Variants in FHIT observed in about 807,000 individuals in gnomAD.
FHIT encodes fragile histidine triad diadenosine triphosphatase.
In FHIT, 19 loss-of-function variants were observed where a neutral mutation model predicts 17.9. The ratio of observed to expected loss-of-function variants is 1.06; its 90% confidence interval spans 0.74 to 1.56. The LOEUF is 1.56. Ranked by LOEUF, FHIT falls within the 40% of genes most tolerant of loss-of-function variation. The pLI is 0.00. For synonymous variants in FHIT, 81 were observed against 69.7 expected (o/e 1.16, Z -0.81); for missense variants, 248 against 189.2 (o/e 1.31, Z -1.82).
At chr3:60,285,605 G>A (rs1490408243) in intron 5 of FHIT, among the ~76,000 whole-genome samples, 1 of 152,068 alleles carries the variant, frequency 6.6e-6, no homozygotes, top group Non-Finnish European at 1.5e-5. Flanking sequence ...CATAATTACA[G>A]TCCCTAATCA....
At chr3:60,432,799 T>C (rs2611416) in intron 5 of FHIT, among the ~76,000 whole-genome samples, 145,981 of 152,158 alleles carry the variant, frequency 0.96, 70,311 homozygotes, top group East Asian at 1. Context: ...TTGTCACCTA[T>C]TAACATCAAA....
At chr3:60,199,968 C>T (rs368584180) in intron 5 of FHIT, among the ~76,000 whole-genome samples, 4 of 152,064 alleles carry the variant, frequency 2.6e-5, no homozygotes, top group African/African-American at 9.7e-5. Context: ...TTTTGTTGTA[C>T]TAGGGTTTTT....
At chr3:61,103,699 G>A (rs558165988) in intron 2 of FHIT, among the ~76,000 whole-genome samples, 9 of 152,196 alleles carry the variant, frequency 5.9e-5, no homozygotes, top group African/African-American at 1.7e-4. Flanking sequence ...ATGTCTCTTT[G>A]TAGGTCTCTG....
At chr3:60,206,128 G>T (rs1374687755) in intron 5 of FHIT, among the ~76,000 whole-genome samples, 10 of 122,942 alleles carry the variant, frequency 8.1e-5, no homozygotes, top group African/African-American at 2.8e-4. Flanking sequence ...GCGAGACTCC[G>T]TCTCAAAAAA....
At chr3:60,097,040 A>AAC (rs386396786) in intron 5 of FHIT, among the ~76,000 whole-genome samples, 1 of 151,218 alleles carries the variant, frequency 6.6e-6, no homozygotes, top group Non-Finnish European at 1.5e-5. Context: ...AAAAAAAAAA[A>AAC]AGGAATAGAA....
At chr3:61,152,733 G>A (rs185570371) in intron 2 of FHIT, among the ~76,000 whole-genome samples, 155 of 152,116 alleles carry the variant, frequency 1.0e-3, no homozygotes, top group African/African-American at 3.5e-3. Flanking sequence ...AGAGGAATGA[G>A]AAGATCATAG....
chr3:60,843,961 T>C (rs1702833866), intron 3 of FHIT, among the ~76,000 whole-genome samples: 1 of 152,166 alleles, frequency 6.6e-6, no homozygotes, highest in African/African-American at 2.4e-5. Context: ...TATGTATTTC[T>C]GGTAATCAAG....
At chr3:60,983,119 C>T (rs1030979402) in intron 3 of FHIT, among the ~76,000 whole-genome samples, 5 of 146,726 alleles carry the variant, frequency 3.4e-5, no homozygotes, top group African/African-American at 7.7e-5. Context: ...TATCTCAATC[C>T]GATTTACCTT....
chr3:59,796,189 C>T (rs1224539993), intron 8 of FHIT, among the ~76,000 whole-genome samples: 3 of 152,112 alleles, frequency 2.0e-5, no homozygotes, highest in Non-Finnish European at 4.4e-5. Context: ...AGCCTGTGTC[C>T]AACACATATG....
intron 1 of FHIT, among the ~76,000 whole-genome samples, chr3:61,220,475 C>A (rs2039807837): frequency 6.6e-6 from 1 of 152,168 alleles, no homozygotes; most frequent in South Asian, 2.1e-4. Flanking sequence ...GTATGCATTT[C>A]TTACAGAATA....
chr3:59,991,832 G>A (rs775320579), intron 7 of FHIT, among the ~76,000 whole-genome samples: 5 of 151,982 alleles, frequency 3.3e-5, no homozygotes, highest in Non-Finnish European at 5.9e-5. Context: ...CAGTCCCTTT[G>A]CAGAGAAAGA....
Position 60,942,285 on chromosome 3 carries a change from A to T in FHIT, c.-111+99762T>A, listed in dbSNP as rs782694059. On this transcript the variant is annotated intron_variant, in intron 3 of 9. Transcript: ENST00000492590. ...ACCAGCATAATTAAAAGTATACAGT[A>T]GGTATCCACAAATATTAATTGAGTG... Among the ~76,000 whole-genome samples the T allele has an allele frequency of 8.5e-4, 129 of 152,236 alleles. 2 individuals carry two copies. Among genetic ancestry groups the T allele is most frequent in the Non-Finnish European group, 2.8e-4 (19 of 68,046 alleles).
chr3:60,035,872 TA>T (rs1325902836), intron 5 of FHIT, among the ~76,000 whole-genome samples: 31 of 152,332 alleles, frequency 2.0e-4, no homozygotes, highest in Non-Finnish European at 4.0e-4. Flanking sequence ...TAGGTGTTGC[TA>T]TGATAACAAG....
At chr3:60,074,047 A>C (rs1261348478) in intron 5 of FHIT, among the ~76,000 whole-genome samples, 1 of 152,076 alleles carries the variant, frequency 6.6e-6, no homozygotes, top group Non-Finnish European at 1.5e-5. Context: ...TTAAAATGTC[A>C]TGTGCATTCC....
intron 8 of FHIT, among the ~76,000 whole-genome samples, chr3:59,790,751 C>A (rs1246277285): frequency 6.6e-6 from 1 of 152,038 alleles, no homozygotes; most frequent in Non-Finnish European, 1.5e-5. Flanking sequence ...TGTGTCTCCC[C>A]AACACTGTAA....
At chr3:60,642,064 T>C (rs1178063675) in intron 4 of FHIT, among the ~76,000 whole-genome samples, 2 of 151,946 alleles carry the variant, frequency 1.3e-5, no homozygotes, top group Non-Finnish European at 2.9e-5. Flanking sequence ...CTGAAAAACA[T>C]GATGAGAAAG....
intron 2 of FHIT, among the ~76,000 whole-genome samples, chr3:61,148,738 A>T (rs74278872): frequency 0.047 from 7,216 of 152,280 alleles, 545 homozygotes; most frequent in East Asian, 0.27. Flanking sequence ...TATACGACAT[A>T]CAGTTTTTAA....
chr3:60,672,129 C>T (rs1270641753), intron 4 of FHIT, among the ~76,000 whole-genome samples: 1 of 152,074 alleles, frequency 6.6e-6, no homozygotes, highest in Non-Finnish European at 1.5e-5. Flanking sequence ...TTACTTTTAA[C>T]TCTTTGTGTT....
At chr3:60,249,396 A>T (rs1180355182) in intron 5 of FHIT, among the ~76,000 whole-genome samples, 1 of 152,088 alleles carries the variant, frequency 6.6e-6, no homozygotes, top group Admixed American at 6.6e-5. Flanking sequence ...ATGTGCTCTG[A>T]GGGAGGCTGA....
Sources: allele counts gnomAD v4.1 joint callset (sites outside exome capture counted in the v4.1 genomes callset), GRCh38; gene constraint gnomAD v4.1.1; transcripts MANE v1.5; gene names NCBI Gene and HGNC (gene_info 2026-07-23, HGNC 2026-07-21).